SWAP70: variants seen among roughly 807,000 people sequenced by gnomAD.
SWAP70 encodes switch-associated protein 70.
SWAP70 carries 34 observed loss-of-function variants against 80.2 expected under a neutral mutation model. The ratio of observed to expected loss-of-function variants is 0.42; its 90% CI spans 0.32 to 0.56. SWAP70 has a LOEUF of 0.56. Among genes scored for constraint, SWAP70 ranks in the 20% least tolerant of loss-of-function variants. The probability of loss-of-function intolerance (pLI) is 0.09; values close to 1 mark genes in which losing one functional copy is unlikely to be tolerated. For synonymous variants in SWAP70, 239 were observed against 238.5 expected (o/e 1.00, Z -0.02); for missense variants, 578 against 690.7 (o/e 0.84, Z 1.83).
At chr11:9,680,367 C>T (rs1478225677) in intron 1 of SWAP70, among the ~76,000 whole-genome samples, 1 of 152,146 alleles carries the variant, frequency 6.6e-6, no homozygotes, top group Non-Finnish European at 1.5e-5. Flanking sequence ...ATAAAATATG[C>T]ATTGGATTTC....
At chr11:9,722,471 T>C (rs1564828257) in intron 3 of SWAP70, among the ~76,000 whole-genome samples, 1 of 152,210 alleles carries the variant, frequency 6.6e-6, no homozygotes, top group East Asian at 1.9e-4. Flanking sequence ...CTCAAAACTT[T>C]AGTGTGCAAA....
chr11:9,670,360 A>G (rs1850360596), intron 1 of SWAP70, among the ~76,000 whole-genome samples: 1 of 152,222 alleles, frequency 6.6e-6, no homozygotes, highest in Non-Finnish European at 1.5e-5. Context: ...GGTTTTTAAT[A>G]GAAGTGGGTT....
intron 2 of SWAP70, among the ~76,000 whole-genome samples, chr11:9,695,750 G>T (rs543331883): frequency 7.3e-5 from 11 of 151,642 alleles, no homozygotes; most frequent in African/African-American, 2.7e-4. Flanking sequence ...TGTTGTTGTT[G>T]TTGTTTTTGT....
At chr11:9,678,106 C>A (rs1256740186) in intron 1 of SWAP70, among the ~76,000 whole-genome samples, 4 of 152,130 alleles carry the variant, frequency 2.6e-5, no homozygotes, top group Admixed American at 1.3e-4. Flanking sequence ...GTAGTTAATT[C>A]TTTTGTGAAC....
chr11:9,676,481 A>G (rs1850502038), intron 1 of SWAP70, among the ~76,000 whole-genome samples: 1 of 152,198 alleles, frequency 6.6e-6, no homozygotes, highest in African/African-American at 2.4e-5. Context: ...ATAAAATGGC[A>G]TAATATTTGC....
At chr11:9,703,308 T>C (rs943025062) in intron 2 of SWAP70, 7 of 454,620 alleles carry the variant, frequency 1.5e-5, no homozygotes, top group Non-Finnish European at 3.1e-5. Context: ...ATATACCATG[T>C]TTTATTTACA....
chr11:9,745,695 G>A (rs530379850), intron 9 of SWAP70, among the ~76,000 whole-genome samples: 67 of 152,092 alleles, frequency 4.4e-4, no homozygotes, highest in Non-Finnish European at 7.4e-4. Context: ...GTGCATTATC[G>A]CATTTAATAC....
chr11:9,738,389 C>A, intron 8 of SWAP70, 69 bp downstream of exon 8: 1 of 1,171,998 alleles, frequency 8.5e-7, no homozygotes, highest in Non-Finnish European at 1.2e-6. Flanking sequence ...CAGGGAAGGG[C>A]TGGAGGCTAC....
intron 9 of SWAP70, among the ~76,000 whole-genome samples, chr11:9,742,826 C>T (rs1213870608): frequency 6.6e-6 from 1 of 150,740 alleles, no homozygotes; most frequent in East Asian, 1.9e-4. Flanking sequence ...TAATGAAATG[C>T]ACATAATCTT....
chr11:9,714,633 A>G (rs142297311), intron 3 of SWAP70, among the ~76,000 whole-genome samples: 2 of 152,274 alleles, frequency 1.3e-5, no homozygotes, highest in African/African-American at 2.4e-5. Context: ...ATTTTGGCCA[A>G]TAGTGAAGGC....
At chr11:9,679,659 AT>A (rs1038133295) in intron 1 of SWAP70, among the ~76,000 whole-genome samples, 4 of 151,846 alleles carry the variant, frequency 2.6e-5, no homozygotes, top group African/African-American at 9.7e-5. Flanking sequence ...TATTTTTTAT[AT>A]TTTTATTTAT....
intron 3 of SWAP70, among the ~76,000 whole-genome samples, chr11:9,719,831 T>G (rs949649999): frequency 6.6e-6 from 1 of 152,218 alleles, no homozygotes. Flanking sequence ...ATTGCCTTGA[T>G]GCAGTTAAAA....
At chr11:9,730,493 A>G (rs899199778) in intron 6 of SWAP70, among the ~76,000 whole-genome samples, 3 of 152,190 alleles carry the variant, frequency 2.0e-5, no homozygotes, top group African/African-American at 4.8e-5. Flanking sequence ...GTGTGTATGC[A>G]CACACTACAA....
intron 1 of SWAP70, among the ~76,000 whole-genome samples, chr11:9,671,627 A>AAT (rs1325132011): frequency 6.4e-5 from 3 of 46,760 alleles, no homozygotes; most frequent in Admixed American, 3.1e-4. Context: ...TTTCTATATA[A>AAT]ATATATAAAT....
intron 1 of SWAP70, among the ~76,000 whole-genome samples, chr11:9,692,234 A>G (rs1850705992): frequency 1.3e-5 from 2 of 149,112 alleles, no homozygotes; most frequent in Admixed American, 6.7e-5. Flanking sequence ...ATATATATAT[A>G]TATATTTAAT....
chr11:9,749,047 C>T (rs1851550239), intron 10 of SWAP70, 40 bp from the exon 11 acceptor site: 1 of 1,353,568 alleles, frequency 7.4e-7, no homozygotes, highest in Non-Finnish European at 1.0e-6. Context: ...TCTTAAACTA[C>T]CCGTGTGTCT....
In SWAP70 at chr11:9,752,021, T is replaced by C. The variant is rs360137; in HGVS notation, c.*2051T>C. 84,275 of 151,998 alleles carry C rather than the reference T, an allele frequency of 0.55. 23,705 individuals carry two copies. The highest frequency in any genetic ancestry group is 0.74 in the Middle Eastern group (218 of 294). The allele number at this position is 151,998 out of a possible 1,614,324, so 9.4% of individuals were successfully genotyped here. A position where few individuals can be genotyped will look rare whatever the true frequency, so the allele number is the denominator to read the frequency against. On this transcript the variant is annotated 3_prime_UTR_variant, in exon 12 of 12. Transcript: ENST00000318950. ...CCTTTCCTGTGGTTTGACTGCACAT[T>C]ACACCAGAAGACTCCAGTATCCCTC...
chr11:9,739,076 G>A (rs1227633985), intron 8 of SWAP70, among the ~76,000 whole-genome samples: 1 of 152,176 alleles, frequency 6.6e-6, no homozygotes, highest in Non-Finnish European at 1.5e-5. Flanking sequence ...AATAAGCAAG[G>A]ATGGCGGGGG....
At chr11:9,666,405 G>GT (rs1763947612) in intron 1 of SWAP70, among the ~76,000 whole-genome samples, 1 of 151,902 alleles carries the variant, frequency 6.6e-6, no homozygotes, top group Admixed American at 6.6e-5. Flanking sequence ...TTTTAATAGA[G>GT]TTTTTTACTA....
Sources: allele counts gnomAD v4.1 joint callset (sites outside exome capture counted in the v4.1 genomes callset), GRCh38; gene constraint gnomAD v4.1.1; transcripts MANE v1.5; gene names NCBI Gene and HGNC (gene_info 2026-07-23, HGNC 2026-07-21).